PGA5: variants seen among roughly 807,000 people sequenced by gnomAD.
PGA5 encodes the protein pepsinogen A5, also known as pepsin A-5.
PGA5 carries 19 observed loss-of-function variants against 15.9 expected under a neutral mutation model. The observed-to-expected ratio is 1.19, with a 90% CI of 0.83 to 1.75. PGA5 has a LOEUF of 1.75. PGA5 is among the 40% of genes most tolerant of loss of function. The pLI, the probability that PGA5 is intolerant of heterozygous loss-of-function variation, is 0.00. For synonymous variants in PGA5, 92 were observed against 95.8 expected (o/e 0.96, Z 0.23); for missense variants, 224 against 246.4 (o/e 0.91, Z 0.61).
intron 8 of PGA5, chr11:61,250,731 CCCAGTGA>C (rs1209884571): frequency 4.3e-6 from 2 of 470,578 alleles, no homozygotes; most frequent in Non-Finnish European, 8.4e-6. Flanking sequence ...AAGGTCGCAG[CCCAGTGA>C]CTTAGTGAGG....
chr11:61,251,376 G>A lies in PGA5; in HGVS notation c.*95G>A. On this transcript the variant is annotated 3_prime_UTR_variant, in exon 9 of 9. Transcript: ENST00000312403. ...ATTCTCCTGACTGTTCTTCCCAGGG[G>A]AGTGTGAAGGTCTTGGCCCTGTTCC... The A allele has an allele frequency of 6.3e-7, 1 of 1,588,902 alleles. No individual in the cohort carries two copies. Among genetic ancestry groups the A allele is most frequent in the East Asian group, 2.2e-5 (1 of 44,648 alleles).
rs1565210399 is a variant in PGA5 at position 61,250,338 on chromosome 11, C to T, written c.1017+324C>T. On this transcript the variant is annotated intron_variant, in intron 8 of 8. Transcript: ENST00000312403. ...AACAAGCTACAGCTCATCTCACCCTCAGTTTTCGCATCCAAAAGGTAGAGA... is the reference window on the plus strand; with the variant it reads ...AACAAGCTACAGCTCATCTCACCCTTAGTTTTCGCATCCAAAAGGTAGAGA... 4.0e-5 allele frequency among the ~76,000 whole-genome samples: 6 copies of T among 151,538 alleles called. 1 individual carries two copies. The South Asian group carries it at 1.2e-3, about 31-fold the overall frequency.
chr11:61,248,195 G>A, intron 5 of PGA5: 1 of 1,033,464 alleles, frequency 9.7e-7, no homozygotes, highest in Non-Finnish European at 1.5e-6. Flanking sequence ...TTGGGCAGGT[G>A]GCCTCACCTC....
At chr11:61,250,063 A>T in intron 8 of PGA5, 49 bp downstream of exon 8, 1 of 1,589,626 alleles carries the variant, frequency 6.3e-7, no homozygotes, top group East Asian at 2.3e-5. Flanking sequence ...CAGAATGTGG[A>T]CACAGAGTCC....
At chr11:61,245,838 G>A in intron 4 of PGA5, 108 bp from the exon 5 acceptor site, 1 of 120,416 alleles carries the variant, frequency 8.3e-6, no homozygotes, top group Admixed American at 1.9e-4. Flanking sequence ...TACCCTGGAA[G>A]CCAAGTCCTG....
chr11:61,246,760 T>C (rs893707402), intron 5 of PGA5, among the ~76,000 whole-genome samples: 5 of 76,716 alleles, frequency 6.5e-5, no homozygotes, highest in African/African-American at 2.9e-4. Context: ...CAAGACTCCA[T>C]CTCAATAAAT....
chr11:61,249,086 G>A (rs1004567455), intron 6 of PGA5, among the ~76,000 whole-genome samples: 3 of 151,962 alleles, frequency 2.0e-5, no homozygotes, highest in Non-Finnish European at 4.4e-5. Flanking sequence ...CAATTTCCCA[G>A]GACAGAGACT....
chr11:61,250,605 C>G, intron 8 of PGA5: 2 of 458,756 alleles, frequency 4.4e-6, no homozygotes, highest in South Asian at 3.1e-5. Context: ...AGTTATTCAA[C>G]AAGAAGCACT....
At chr11:61,250,308 T>G (rs1274502040) in intron 8 of PGA5, among the ~76,000 whole-genome samples, 1 of 151,278 alleles carries the variant, frequency 6.6e-6, no homozygotes, top group Admixed American at 6.6e-5. Flanking sequence ...AGCCCATTGA[T>G]TCTGAACAAG....
At chr11:61,249,851 T>C (rs1175067955) in intron 7 of PGA5, 38 bp downstream of exon 7, 1 of 1,613,662 alleles carries the variant, frequency 6.2e-7, no homozygotes, top group Non-Finnish European at 8.5e-7. Context: ...TACACTCAAG[T>C]AGTGGGTGTG....
intron 6 of PGA5, chr11:61,249,382 A>G (rs757032744): frequency 1.4e-5 from 8 of 558,300 alleles, no homozygotes; most frequent in Non-Finnish European, 2.2e-5. Flanking sequence ...CCTTCTGCCA[A>G]CATAACTTAT....
At chr11:61,250,148 A>C in intron 8 of PGA5, 134 bp downstream of exon 8, 1 of 741,726 alleles carries the variant, frequency 1.3e-6, no homozygotes, top group Non-Finnish European at 2.3e-6. Context: ...TGCCCTAGAC[A>C]GCCTCCAGAG....
intron 6 of PGA5, chr11:61,249,325 T>G: frequency 2.3e-6 from 1 of 427,164 alleles, no homozygotes; most frequent in South Asian, 2.1e-5. Context: ...CCTCTCACCC[T>G]GGGCCCTGTT....
At chr11:61,247,535 A>G (rs1854081049) in intron 5 of PGA5, among the ~76,000 whole-genome samples, 1 of 151,918 alleles carries the variant, frequency 6.6e-6, no homozygotes, top group South Asian at 2.1e-4. Context: ...CCTTGGCCTC[A>G]CAAAGTGCTG....
rs1464922145 is a variant in PGA5 at position 61,249,748 on chromosome 11, G to A, written c.853G>A (p.Gly285Ser). 1.7e-5 allele frequency: 27 copies of A among 1,613,404 alleles called. 1 individual carries two copies. The highest frequency in any genetic ancestry group is 8.9e-5 in the East Asian group (4 of 44,882). ...IVDTGTSLLT[G>S]PTSPIANIQS... ...TGACACCGGCACCTCTCTGCTGACC[G>A]GCCCAACCAGCCCCATTGCCAACAT... The change falls in exon 7 of 9, where the codon GGC (glycine) becomes AGC (serine). Residue 285 changes from glycine (G) to serine (S), a missense_variant. Transcript: ENST00000312403.
In PGA5 at chr11:61,250,346, G is replaced by A. The variant is rs146520000; in HGVS notation, c.1017+332G>A. Among the ~76,000 whole-genome samples, 12 of 151,054 alleles carry A rather than the reference G, an allele frequency of 7.9e-5. No individual in the cohort carries two copies. In the South Asian group the frequency reaches 1.0e-3, roughly 13 times the overall value. On this transcript the variant is annotated intron_variant, in intron 8 of 8. Transcript: ENST00000312403. ...ACAGCTCATCTCACCCTCAGTTTTC[G>A]CATCCAAAAGGTAGAGATGGCAGCT...
At chr11:61,250,190 T>G (rs533250815) in intron 8 of PGA5, among the ~76,000 whole-genome samples, 176 bp downstream of exon 8, 26 of 151,284 alleles carry the variant, frequency 1.7e-4, no homozygotes, top group African/African-American at 6.4e-4. Flanking sequence ...AATGCAGGAA[T>G]AAGAACTCGG....
At chr11:61,247,051 C>A (rs1348134179) in intron 5 of PGA5, among the ~76,000 whole-genome samples, 1 of 151,974 alleles carries the variant, frequency 6.6e-6, no homozygotes, top group Non-Finnish European at 1.5e-5. Context: ...TGCAAGAATA[C>A]CTGAGGGCAT....
At chr11:61,250,078 C>T in intron 8 of PGA5, 64 bp downstream of exon 8, 1 of 1,571,848 alleles carries the variant, frequency 6.4e-7, no homozygotes, top group Non-Finnish European at 8.6e-7. Flanking sequence ...GAGTCCCCTT[C>T]TGCAGAGGGA....
Sources: gnomAD v4.1 joint callset for allele counts (sites outside exome capture counted in the v4.1 genomes callset) on GRCh38, gnomAD v4.1.1 for gene constraint, MANE v1.5 for transcripts, NCBI Gene and HGNC (gene_info 2026-07-23, HGNC 2026-07-21) for gene names.